Variants in DNAH3 observed in about 807,000 individuals in gnomAD.
DNAH3 encodes the protein axonemal beta dynein heavy chain 3.
DNAH3 carries 332 observed loss-of-function variants against 432.5 expected under a neutral mutation model. The ratio of observed to expected loss-of-function variants is 0.77; its 90% confidence interval spans 0.70 to 0.84. The LOEUF (loss-of-function observed/expected upper bound fraction) is 0.84, where lower values mean the gene tolerates loss of function less well. DNAH3 is among the 40% of genes least tolerant of loss of function. DNAH3 has a pLI of 0.00. For synonymous variants in DNAH3, 1,956 were observed against 1,900.2 expected (o/e 1.03, Z -0.76); for missense variants, 4,861 against 5,114.0 (o/e 0.95, Z 1.51).
At chr16:21,131,874 G>A (rs1043678369) in intron 7 of DNAH3, among the ~76,000 whole-genome samples, 13 of 145,392 alleles carry the variant, frequency 8.9e-5, no homozygotes, top group South Asian at 2.2e-4. Flanking sequence ...AAAAAAAAAA[G>A]GGGGAGAGAA....
intron 8 of DNAH3, among the ~76,000 whole-genome samples, chr16:21,126,510 A>G (rs1193371118): frequency 6.6e-6 from 1 of 152,244 alleles, no homozygotes; most frequent in East Asian, 1.9e-4. Flanking sequence ...TTGCAAAGGA[A>G]AAAGGAATTG....
At chr16:20,935,863 C>T (rs562389387) in intron 60 of DNAH3, among the ~76,000 whole-genome samples, 5 of 151,222 alleles carry the variant, frequency 3.3e-5, no homozygotes, top group Non-Finnish European at 5.9e-5. Flanking sequence ...AAAAAAAGCC[C>T]AGGTGCAAGC....
At chr16:21,067,766 G>T (rs540735766) in intron 23 of DNAH3, among the ~76,000 whole-genome samples, 7 of 38,762 alleles carry the variant, frequency 1.8e-4, no homozygotes, top group Admixed American at 1.2e-3. Flanking sequence ...TTGGGGGGGG[G>T]GGTGGGGAGG....
intron 1 of DNAH3, among the ~76,000 whole-genome samples, chr16:21,156,035 A>G (rs2092895064): frequency 6.6e-6 from 1 of 152,148 alleles, no homozygotes; most frequent in South Asian, 2.1e-4. Flanking sequence ...GAAGGCTGGA[A>G]GTTCACAATC....
intron 5 of DNAH3, 93 bp from the exon 7 acceptor site, chr16:21,136,606 A>G: frequency 8.6e-7 from 1 of 1,159,400 alleles, no homozygotes; most frequent in Non-Finnish European, 1.3e-6. Flanking sequence ...CCCCATTCAT[A>G]CAGCATTCGT....
chr16:21,137,226 A>T (rs1486086770), intron 5 of DNAH3, among the ~76,000 whole-genome samples: 2 of 151,516 alleles, frequency 1.3e-5, no homozygotes, highest in Non-Finnish European at 2.9e-5. Flanking sequence ...TCTGCCTTCT[A>T]AGGTAGCTCA....
intron 1 of DNAH3, among the ~76,000 whole-genome samples, chr16:21,153,542 A>G (rs939590098): frequency 6.6e-6 from 1 of 152,226 alleles, no homozygotes; most frequent in African/African-American, 2.4e-5. Flanking sequence ...TGCCCGGGCC[A>G]GCAGTGGCAA....
intron 14 of DNAH3, among the ~76,000 whole-genome samples, chr16:21,111,209 C>T (rs964108406): frequency 2.6e-5 from 4 of 152,124 alleles, no homozygotes; most frequent in South Asian, 2.1e-4. Context: ...AATTCCCGGA[C>T]CTATACAGCA....
intron 23 of DNAH3, 64 bp from the exon 24 acceptor site, chr16:21,067,483 T>C: frequency 1.3e-6 from 2 of 1,574,728 alleles, no homozygotes; most frequent in Non-Finnish European, 8.7e-7. Flanking sequence ...TTGGTCATTG[T>C]ATTGAATGTG....
chr16:21,046,200 G>T (rs1438120356), intron 31 of DNAH3, among the ~76,000 whole-genome samples: 1 of 135,812 alleles, frequency 7.4e-6, no homozygotes, highest in Non-Finnish European at 1.6e-5. Context: ...TCCGCTTGGT[G>T]CAGAGCTGAG....
intron 1 of DNAH3, among the ~76,000 whole-genome samples, chr16:21,154,262 G>A (rs565471664): frequency 1.0e-3 from 154 of 152,290 alleles, no homozygotes; most frequent in Non-Finnish European, 1.9e-3. Context: ...AAAATTAGCC[G>A]GGCGTGGTGG....
At chr16:21,022,544 T>C (rs551047320) in intron 39 of DNAH3, among the ~76,000 whole-genome samples, 91 of 152,100 alleles carry the variant, frequency 6.0e-4, no homozygotes, top group Non-Finnish European at 1.1e-3. Context: ...CAGAGCTAAT[T>C]TGGGGGGCTC....
At chr16:21,141,447 T>A in intron 3 of DNAH3, 75 bp from the exon 5 acceptor site, 2 of 1,114,048 alleles carry the variant, frequency 1.8e-6, no homozygotes, top group Non-Finnish European at 2.7e-6. Context: ...GGGGCATGAC[T>A]CTCGGAACAG....
At chr16:21,143,357 A>C (rs1214629641) in intron 3 of DNAH3, among the ~76,000 whole-genome samples, 2 of 152,176 alleles carry the variant, frequency 1.3e-5, no homozygotes, top group East Asian at 3.8e-4. Flanking sequence ...TAAAAAAAAC[A>C]GCAAAAAGAT....
intron 7 of DNAH3, among the ~76,000 whole-genome samples, chr16:21,129,567 C>CAAAAA (rs555280776): frequency 2.6e-5 from 2 of 78,002 alleles, no homozygotes. Flanking sequence ...CCTATCTCTA[C>CAAAAA]AAAAAAAAAA....
intron 28 of DNAH3, 142 bp from the exon 29 acceptor site, chr16:21,052,010 G>C (rs2089974864): frequency 1.5e-6 from 1 of 670,702 alleles, no homozygotes; most frequent in Admixed American, 3.1e-5. Context: ...TTTATTTTTT[G>C]CGATGGAGTC....
At chr16:21,057,415 T>C (rs2090173853) in intron 27 of DNAH3, among the ~76,000 whole-genome samples, 1 of 152,170 alleles carries the variant, frequency 6.6e-6, no homozygotes. Context: ...TACCGAATCA[T>C]TTACTGGCAT....
intron 7 of DNAH3, 39 bp downstream of exon 8, chr16:21,134,220 C>T: frequency 1.3e-6 from 2 of 1,584,738 alleles, no homozygotes; most frequent in Non-Finnish European, 1.7e-6. Flanking sequence ...TGGATGTGGT[C>T]AAGAAAGGGA....
intron 3 of DNAH3, among the ~76,000 whole-genome samples, chr16:21,144,162 C>T (rs2092753835): frequency 6.6e-6 from 1 of 152,140 alleles, no homozygotes; most frequent in Non-Finnish European, 1.5e-5. Context: ...AGACAGCCCC[C>T]AATGATCCCC....
Sources: allele counts gnomAD v4.1 joint callset (sites outside exome capture counted in the v4.1 genomes callset), GRCh38; gene constraint gnomAD v4.1.1; transcripts MANE v1.5; gene names NCBI Gene and HGNC (gene_info 2026-07-23, HGNC 2026-07-21).